The following MROH1 variants were observed in gnomAD, a reference collection of about 807,000 sequenced individuals.
MROH1 encodes the protein maestro heat-like repeat-containing protein family member 1.
MROH1 carries 117 observed loss-of-function variants against 116.5 expected under a neutral mutation model. The ratio of observed to expected loss-of-function variants is 1.00; its 90% CI spans 0.86 to 1.17. MROH1 has a LOEUF of 1.17. Among genes scored for constraint, MROH1 ranks in the 50% most tolerant of loss-of-function variants. The pLI is 0.00. For missense variants in MROH1, 1,873 were observed against 1,338.5 expected, an observed-to-expected ratio of 1.40 and a Z score of -6.23; for synonymous variants, 921 against 583.9, an observed-to-expected ratio of 1.58 and a Z score of -8.32.
chr8:144,197,635 C>G (rs1830233324), intron 10 of MROH1, among the ~76,000 whole-genome samples: 1 of 149,812 alleles, frequency 6.7e-6, no homozygotes. Flanking sequence ...TGGGGTTTCA[C>G]CGTGTTAGCC....
chr8:144,228,079 A>T (rs1422567833), intron 14 of MROH1, among the ~76,000 whole-genome samples: 20 of 151,842 alleles, frequency 1.3e-4, no homozygotes, highest in Admixed American at 1.3e-3. Flanking sequence ...AAAAAAATTT[A>T]AAAACATTAG....
chr8:144,211,458 G>C (rs1316160112), intron 12 of MROH1, among the ~76,000 whole-genome samples: 3 of 152,184 alleles, frequency 2.0e-5, no homozygotes, highest in African/African-American at 7.2e-5. Context: ...GGGCACAGTG[G>C]CTCATGCCTG....
intron 1 of MROH1, among the ~76,000 whole-genome samples, chr8:144,157,954 G>A (rs1455353721): frequency 2.9e-4 from 44 of 150,090 alleles, no homozygotes; most frequent in Non-Finnish European, 3.8e-4. Context: ...TGGGATTACA[G>A]GCATGAGCCA....
chr8:144,260,575 G>A (rs964454432), intron 39 of MROH1, 102 bp from the exon 40 acceptor site: 7 of 763,000 alleles, frequency 9.2e-6, no homozygotes, highest in East Asian at 2.4e-5. Flanking sequence ...GGTGTTTCCT[G>A]GCCCGGGTCA....
Position 144,213,103 on chromosome 8 carries a change from G to A in MROH1, c.1142-7497G>A, listed in dbSNP as rs371210609. Reference sequence around the variant, plus strand: ...CGCAGCCTGCTGATCTAACGGCCGCGCCCGCGTCTGTTGCTTGAGTCACCA... The same window carrying A: ...CGCAGCCTGCTGATCTAACGGCCGCACCCGCGTCTGTTGCTTGAGTCACCA... On this transcript the variant is annotated intron_variant, in intron 12 of 43. Transcript: ENST00000326134. 1.0e-4 allele frequency: 80 copies of A among 775,606 alleles called. No homozygotes were observed. In the African/African-American group the frequency reaches 1.2e-3, roughly 11 times the overall value. 48.0% of individuals were successfully genotyped at this position (775,606 alleles called of 1,614,324 possible). A position where few individuals can be genotyped will look rare whatever the true frequency, so the allele number is the denominator to read the frequency against.
chr8:144,209,355 C>T (rs1476080048), intron 12 of MROH1, among the ~76,000 whole-genome samples: 2 of 151,564 alleles, frequency 1.3e-5, no homozygotes, highest in African/African-American at 2.4e-5. Flanking sequence ...CTGAGGCAGG[C>T]GGATCACGAG....
At position 144,261,272 on chromosome 8, in the gene MROH1, C is replaced by T. The variant is rs1383257605; in HGVS notation, c.4775-12C>T. 21 of 747,060 alleles carry T rather than the reference C, an allele frequency of 2.8e-5. No individual in the cohort carries two copies. The highest frequency in any genetic ancestry group is 2.1e-4 in the Admixed American group (12 of 57,428). 46.3% of individuals were successfully genotyped at this position (747,060 alleles called of 1,614,324 possible). A position where few individuals can be genotyped will look rare whatever the true frequency, so the allele number is the denominator to read the frequency against. ...CCGCCCGGCAGCCCCGCCTGATGCC[C>T]CCACTTCACAGGGTTCCTGGTGCTG... On this transcript the variant is annotated splice_polypyrimidine_tract_variant and intron_variant, in intron 42 of 43. Transcript: ENST00000326134.
chr8:144,250,611 C>T, intron 33 of MROH1: 2 of 586,328 alleles, frequency 3.4e-6, no homozygotes, highest in South Asian at 3.9e-5. Flanking sequence ...CACAGCACCC[C>T]CACAGGGAAG....
chr8:144,185,952 C>T (rs1410558124), intron 7 of MROH1, among the ~76,000 whole-genome samples: 3 of 151,658 alleles, frequency 2.0e-5, no homozygotes, highest in African/African-American at 4.8e-5. Flanking sequence ...CAGCAAGGGC[C>T]GCCGAGGGGA....
intron 4 of MROH1, 64 bp downstream of exon 4, chr8:144,168,504 T>C: frequency 6.5e-7 from 1 of 1,540,320 alleles, no homozygotes; most frequent in Non-Finnish European, 8.7e-7. Context: ...CTTACTTGGT[T>C]TGGGAAGAGA....
chr8:144,165,412 C>T (rs542319431), intron 3 of MROH1, among the ~76,000 whole-genome samples: 30 of 152,142 alleles, frequency 2.0e-4, no homozygotes, highest in Admixed American at 6.5e-4. Context: ...AGCCACCGCG[C>T]ACAGCCCACA....
intron 7 of MROH1, among the ~76,000 whole-genome samples, chr8:144,183,502 C>G (rs1453785461): frequency 6.6e-6 from 1 of 151,386 alleles, no homozygotes; most frequent in African/African-American, 2.4e-5. Context: ...GATGAGTTGA[C>G]CAGCATCCTT....
intron 1 of MROH1, among the ~76,000 whole-genome samples, chr8:144,152,397 T>A: frequency 6.6e-6 from 1 of 151,992 alleles, no homozygotes; most frequent in East Asian, 1.9e-4. Context: ...AAAAAAATTT[T>A]TTTTTTTTTT....
intron 10 of MROH1, among the ~76,000 whole-genome samples, chr8:144,197,662 CTT>C (rs1240048970): frequency 2.0e-5 from 3 of 150,120 alleles, no homozygotes; most frequent in South Asian, 2.1e-4. Flanking sequence ...GTCTCCATCT[CTT>C]GACCTTGGGA....
intron 1 of MROH1, among the ~76,000 whole-genome samples, 189 bp downstream of exon 1, chr8:144,148,265 G>A (rs979635038): frequency 2.0e-5 from 3 of 152,156 alleles, no homozygotes; most frequent in Non-Finnish European, 1.5e-5. Context: ...CGGCTCAGGT[G>A]TGCGCCGCGC....
At chr8:144,200,396 A>G (rs920113374) in intron 11 of MROH1, 32 bp from the exon 12 acceptor site, 7 of 1,497,928 alleles carry the variant, frequency 4.7e-6, no homozygotes, top group Non-Finnish European at 4.5e-6. Context: ...ACAAGATGAC[A>G]TGGAGCCTAA....
intron 12 of MROH1, 167 bp downstream of exon 12, chr8:144,200,708 C>T: frequency 1.6e-6 from 1 of 616,310 alleles, no homozygotes; most frequent in Non-Finnish European, 2.9e-6. Context: ...TGAAAAGTTG[C>T]AAGGGTGGTA....
intron 14 of MROH1, among the ~76,000 whole-genome samples, chr8:144,226,356 A>G (rs1588330432): frequency 6.6e-6 from 1 of 152,332 alleles, no homozygotes; most frequent in East Asian, 1.9e-4. Flanking sequence ...GTCGAAAATC[A>G]GGCAACTGTA....
chr8:144,179,253 C>T (rs1824908484), intron 4 of MROH1, among the ~76,000 whole-genome samples: 1 of 152,086 alleles, frequency 6.6e-6, no homozygotes, highest in Non-Finnish European at 1.5e-5. Flanking sequence ...GGATAACGCT[C>T]CACCCTTCTG....
Sources: gnomAD v4.1 joint callset for allele counts (sites outside exome capture counted in the v4.1 genomes callset) on GRCh38, gnomAD v4.1.1 for gene constraint, MANE v1.5 for transcripts, NCBI Gene and HGNC (gene_info 2026-07-23, HGNC 2026-07-21) for gene names.